The following UNC79 variants were observed in gnomAD, a reference collection of about 807,000 sequenced individuals.
The protein encoded by UNC79 is unc-79 subunit of NALCN channel complex, also known as protein unc-79 homolog.
In UNC79, 37 loss-of-function variants were observed where a neutral mutation model predicts 283.1. That is an observed-to-expected ratio of 0.13 (90% confidence interval 0.10 to 0.17). The LOEUF is 0.17. UNC79 is among the 10% of genes least tolerant of loss of function. The probability of loss-of-function intolerance (pLI) is 1.00; values close to 1 mark genes in which losing one functional copy is unlikely to be tolerated. For missense variants in UNC79, 2,272 were observed against 3,211.1 expected (o/e 0.71, Z 7.07); for synonymous variants, 1,107 against 1,200.2 (o/e 0.92, Z 1.61).
chr14:93,584,863 G>T (rs112891468), intron 20 of UNC79, among the ~76,000 whole-genome samples: 4 of 140,250 alleles, frequency 2.9e-5, no homozygotes, highest in African/African-American at 1.0e-4. Flanking sequence ...CTCTGGCTAA[G>T]TTTTTTTTTT....
chr14:93,464,043 G>A (rs1156402869), intron 1 of UNC79, among the ~76,000 whole-genome samples: 2 of 152,130 alleles, frequency 1.3e-5, no homozygotes, highest in African/African-American at 2.4e-5. Flanking sequence ...CAGCTACTTG[G>A]GAGGCTGAGG....
chr14:93,358,022 G>A (rs61991746), intron 1 of UNC79, among the ~76,000 whole-genome samples: 108,147 of 146,320 alleles, frequency 0.74, 40,902 homozygotes, highest in African/African-American at 0.87. Flanking sequence ...GAGAACTCTG[G>A]TGAATACAGA....
chr14:93,571,756 A>G (rs1004884622), intron 14 of UNC79, 138 bp from the exon 15 acceptor site: 46 of 796,402 alleles, frequency 5.8e-5, no homozygotes, highest in Non-Finnish European at 1.3e-5. Flanking sequence ...TCAATCTCAC[A>G]CTGAAGATTC....
chr14:93,612,124 T>C (rs1192858623), intron 26 of UNC79, among the ~76,000 whole-genome samples: 1 of 152,262 alleles, frequency 6.6e-6, no homozygotes, highest in Non-Finnish European at 1.5e-5. Context: ...GTGGTGTTTT[T>C]CTGTTTTTAA....
At chr14:93,497,019 A>G in intron 6 of UNC79, 138 bp from the exon 7 acceptor site, 3 of 873,158 alleles carry the variant, frequency 3.4e-6, no homozygotes, top group Non-Finnish European at 3.5e-6. Context: ...TCTATGAAAC[A>G]TGTCTGCATG....
At chr14:93,406,959 T>A (rs2055238726) in intron 1 of UNC79, among the ~76,000 whole-genome samples, 1 of 152,114 alleles carries the variant, frequency 6.6e-6, no homozygotes. Context: ...AAGCCCTAGA[T>A]AGTCTAGGGA....
intron 47 of UNC79, among the ~76,000 whole-genome samples, chr14:93,701,706 G>T (rs919239391): frequency 2.0e-5 from 3 of 152,156 alleles, no homozygotes; most frequent in Non-Finnish European, 4.4e-5. Context: ...TAGGGTGATG[G>T]CTGGGTTATA....
chr14:93,338,215 A>G (rs1760951446), intron 1 of UNC79, among the ~76,000 whole-genome samples: 2 of 152,046 alleles, frequency 1.3e-5, no homozygotes, highest in Admixed American at 1.3e-4. Context: ...CACCTGAAGG[A>G]TCCTGTGACA....
At chr14:93,626,657 A>G (rs984225243) in intron 30 of UNC79, among the ~76,000 whole-genome samples, 1 of 152,208 alleles carries the variant, frequency 6.6e-6, no homozygotes, top group Non-Finnish European at 1.5e-5. Flanking sequence ...CAAACTCTAT[A>G]CTAAAACATA....
chr14:93,451,358 C>G lies in UNC79; in HGVS notation c.23-16313C>G, dbSNP rs139883848. On this transcript the variant is annotated intron_variant, in intron 1 of 48. Coordinates refer to ENST00000555664, the Ensembl canonical transcript of UNC79. ...CTTTCCTCTTTGACTTAGTCAGATT[C>G]ACAGAAGGAAGGAGAAAAAAAAAGA... 5.3e-5 allele frequency among the ~76,000 whole-genome samples: 8 copies of G among 152,078 alleles called. 1 individual carries two copies. In the East Asian group the frequency reaches 1.5e-3, roughly 29 times the overall value.
intron 14 of UNC79, among the ~76,000 whole-genome samples, chr14:93,554,119 G>A (rs190500268): frequency 2.0e-5 from 3 of 152,262 alleles, no homozygotes; most frequent in Admixed American, 2.0e-4. Flanking sequence ...GGGAGGCCGA[G>A]TGGGCAGATC....
intron 3 of UNC79, among the ~76,000 whole-genome samples, chr14:93,476,221 G>C (rs1296411455): frequency 6.6e-6 from 1 of 152,164 alleles, no homozygotes; most frequent in South Asian, 2.1e-4. Flanking sequence ...TGCTGGGTCT[G>C]GGTGGAGCAC....
At chr14:93,607,060 A>T (rs1174308209) in intron 26 of UNC79, among the ~76,000 whole-genome samples, 2 of 152,172 alleles carry the variant, frequency 1.3e-5, no homozygotes, top group East Asian at 3.9e-4. Flanking sequence ...ATCCTAATTG[A>T]TGGGATACAC....
At chr14:93,687,413 G>A (rs2074328642) in intron 43 of UNC79, among the ~76,000 whole-genome samples, 1 of 152,180 alleles carries the variant, frequency 6.6e-6, no homozygotes, top group African/African-American at 2.4e-5. Flanking sequence ...TGAATAGTTT[G>A]AGAGATCTGA....
chr14:93,687,638 C>T (rs1429645687), intron 43 of UNC79, among the ~76,000 whole-genome samples: 1 of 152,146 alleles, frequency 6.6e-6, no homozygotes, highest in Non-Finnish European at 1.5e-5. Context: ...ATTTGCAAAT[C>T]CCAGGCAGAA....
rs2140930371 is a variant in UNC79 at position 93,690,063 on chromosome 14, C to A, written c.7086-54C>A. 1 of 1,576,204 alleles carries A rather than the reference C, an allele frequency of 6.3e-7. No individual in the cohort carries two copies. Among genetic ancestry groups the A allele is most frequent in the East Asian group, 2.2e-5 (1 of 44,558 alleles). ...TCCTTCAATAAGCATTTGTTATGCA[C>A]CCAATGAAACACAAAACATAAAATC... is the stretch of plus-strand genomic sequence containing the variant. On this transcript the variant is annotated intron_variant, in intron 44 of 48. Coordinates refer to ENST00000555664, the Ensembl canonical transcript of UNC79. The surrounding 1 kb of genome is among the most constrained non-coding windows in gnomAD (Gnocchi z 4.3).
intron 14 of UNC79, among the ~76,000 whole-genome samples, chr14:93,565,165 C>T (rs1249538277): frequency 6.6e-6 from 1 of 152,192 alleles, no homozygotes; most frequent in Non-Finnish European, 1.5e-5. Flanking sequence ...CCCCCGGTTC[C>T]TGTAGGCTGA....
At chr14:93,673,441 C>G in exon 41 of UNC79, 1 of 1,612,790 alleles carries the variant, frequency 6.2e-7, no homozygotes, top group Non-Finnish European at 8.5e-7. Context: ...TACAAACCTT[C>G]TTCTGCTTGT....
rs2065317568 is a variant in UNC79, at chr14:93,599,300, A to G, written c.3373-1269A>G. On this transcript the variant is annotated intron_variant, in intron 24 of 48. Coordinates refer to ENST00000555664, the Ensembl canonical transcript of UNC79. Reference sequence around the variant, plus strand: ...GCCACCTTTTCAGAGTCACATAGCTAGTTATCTGCAGAGGAAATTCAGCAC... The same window carrying G: ...GCCACCTTTTCAGAGTCACATAGCTGGTTATCTGCAGAGGAAATTCAGCAC... Among the ~76,000 whole-genome samples, 3 of 152,146 alleles carry G rather than the reference A, an allele frequency of 2.0e-5. No homozygotes were observed. The South Asian group carries it at 6.2e-4, about 31-fold the overall frequency.
Sources: allele counts gnomAD v4.1 joint callset (sites outside exome capture counted in the v4.1 genomes callset), GRCh38; gene constraint gnomAD v4.1.1; non-coding constraint Gnocchi (gnomAD v3.1); transcripts MANE v1.5; gene names NCBI Gene and HGNC (gene_info 2026-07-23, HGNC 2026-07-21).